CYP20A1: variants seen among roughly 807,000 people sequenced by gnomAD.
CYP20A1 encodes cytochrome P450 family 20 subfamily A member 1.
In CYP20A1, 61 loss-of-function variants were observed where a neutral mutation model predicts 61.4. That is an observed-to-expected ratio of 0.99 (90% confidence interval 0.81 to 1.23). CYP20A1 has a LOEUF of 1.23. Ranked by LOEUF, CYP20A1 falls within the 50% of genes most tolerant of loss-of-function variation. CYP20A1 has a pLI of 0.00. For synonymous variants in CYP20A1, 193 were observed against 188.2 expected, an observed-to-expected ratio of 1.03 and a Z score of -0.21; for missense variants, 530 against 542.4, an observed-to-expected ratio of 0.98 and a Z score of 0.23.
At position 203,304,446 on chromosome 2, in the gene CYP20A1, C is replaced by T. The variant is rs979912785; in HGVS notation, c.*7538C>T. 1.3e-5 allele frequency among the ~76,000 whole-genome samples: 2 copies of T among 152,054 alleles called. No homozygotes were observed. The highest frequency in any genetic ancestry group is 4.8e-5 in the African/African-American group (2 of 41,420). On this transcript the variant is annotated 3_prime_UTR_variant, in exon 13 of 13. Coordinates refer to ENST00000356079, the MANE Select transcript of CYP20A1 (RefSeq NM_177538.3). ...TCTCCTGACCTTGTGATCTGTCCAC[C>T]GCGGCTTCCCAAAGTGCTGGGATTA...
chr2:203,249,568 G>A (rs1575172172), intron 3 of CYP20A1, among the ~76,000 whole-genome samples: 1 of 152,090 alleles, frequency 6.6e-6, no homozygotes, highest in Admixed American at 6.6e-5. Flanking sequence ...AAATAGGCCA[G>A]GCATGGTGGC....
intron 10 of CYP20A1, among the ~76,000 whole-genome samples, chr2:203,291,785 G>A (rs969943469): frequency 2.0e-5 from 3 of 151,750 alleles, no homozygotes; most frequent in Admixed American, 1.3e-4. Flanking sequence ...CCATTAACTC[G>A]ACATTTAACA....
At chr2:203,245,931 A>G (rs1333522360) in intron 2 of CYP20A1, 36 bp downstream of exon 2, 1 of 1,320,986 alleles carries the variant, frequency 7.6e-7, no homozygotes, top group Non-Finnish European at 1.1e-6. Context: ...AGTAGAGTTA[A>G]TTCTTCATTA....
At chr2:203,275,466 G>A (rs962004583) in intron 6 of CYP20A1, among the ~76,000 whole-genome samples, 2 of 150,186 alleles carry the variant, frequency 1.3e-5, no homozygotes, top group East Asian at 3.9e-4. Context: ...ACTGAATCTC[G>A]CTCTATTGCC....
Position 203,278,562 on chromosome 2 carries a change from T to C in CYP20A1, c.680-11T>C, listed in dbSNP as rs375823524. ...CTTGTATTCTAAAATTATTTTGTTT[T>C]TTTCTCTAAGCCCTCATGCAACTGG... is the stretch of plus-strand genomic sequence containing the variant. On this transcript the variant is annotated splice_polypyrimidine_tract_variant and intron_variant, in intron 6 of 12. Coordinates refer to ENST00000356079, the MANE Select transcript of CYP20A1 (RefSeq NM_177538.3). The C allele has an allele frequency of 1.4e-5, 20 of 1,433,740 alleles. No homozygotes were observed. Among genetic ancestry groups the C allele is most frequent in the Admixed American group, 2.2e-5 (1 of 45,754 alleles). 88.8% of individuals were successfully genotyped at this position (1,433,740 alleles called of 1,614,324 possible). A position where few individuals can be genotyped will look rare whatever the true frequency, so the allele number is the denominator to read the frequency against.
chr2:203,275,606 A>G (rs1416762014), intron 6 of CYP20A1, among the ~76,000 whole-genome samples: 1 of 152,038 alleles, frequency 6.6e-6, no homozygotes. Flanking sequence ...TGCTCAAATA[A>G]TTTTTATAGT....
intron 5 of CYP20A1, among the ~76,000 whole-genome samples, chr2:203,267,349 G>A (rs1362554984): frequency 2.7e-5 from 4 of 149,410 alleles, no homozygotes; most frequent in Non-Finnish European, 4.5e-5. Context: ...CCTGGCCAAT[G>A]TGGCAAAACC....
At chr2:203,263,414 C>T (rs1335524774) in intron 4 of CYP20A1, among the ~76,000 whole-genome samples, 1 of 151,698 alleles carries the variant, frequency 6.6e-6, no homozygotes, top group African/African-American at 2.4e-5. Flanking sequence ...CTCAGCCTCC[C>T]GAGTAGCTGG....
chr2:203,288,282 T>C (rs562082848), intron 9 of CYP20A1, among the ~76,000 whole-genome samples: 1 of 151,902 alleles, frequency 6.6e-6, no homozygotes, highest in East Asian at 1.9e-4. Flanking sequence ...GCCAGGCTGG[T>C]CTCGAACTCC....
Position 203,273,401 on chromosome 2 carries a change from T to C in CYP20A1, c.679+653T>C, listed in dbSNP as rs79633317. On this transcript the variant is annotated intron_variant, in intron 6 of 12. Transcript: ENST00000356079. The stretch of plus-strand genomic sequence containing the variant: ...TGAAAGAAGACAATATTCATGAAGA[T>C]ATTTTTGTAGTACTGTTTCTGCAAG... Among the ~76,000 whole-genome samples, 75 of 152,328 alleles carry C rather than the reference T, an allele frequency of 4.9e-4. 1 individual carries two copies. In the East Asian group the frequency reaches 0.014, roughly 28 times the overall value.
Position 203,291,989 on chromosome 2 carries a change from C to T in CYP20A1, c.1084-273C>T, listed in dbSNP as rs550793672. ...TGATGGTTTCCAGCTTCATCCATGTCCCTACAAAGGACATGAACTCTGGAT... is the reference window on the plus strand; with the variant it reads ...TGATGGTTTCCAGCTTCATCCATGTTCCTACAAAGGACATGAACTCTGGAT... On this transcript the variant is annotated intron_variant, in intron 10 of 12. Transcript: ENST00000356079. 5.3e-5 allele frequency among the ~76,000 whole-genome samples: 8 copies of T among 152,110 alleles called. No homozygotes were observed. In the East Asian group the frequency reaches 1.4e-3, roughly 26 times the overall value.
Position 203,248,438 on chromosome 2 carries a change from G to T in CYP20A1, c.289+1517G>T, listed in dbSNP as rs183539006. Among the ~76,000 whole-genome samples the T allele has an allele frequency of 9.2e-4, 140 of 152,112 alleles. No individual in the cohort carries two copies. In the South Asian group the frequency reaches 0.011, roughly 12 times the overall value. ...AATCCCAGCTACTTGGGAGACTGAG[G>T]CAGGATAATCTCTTGAACCCGGGAG... On this transcript the variant is annotated intron_variant, in intron 3 of 12. Transcript: ENST00000356079.
In CYP20A1 at chr2:203,299,298, C is replaced by G. The variant is rs2152117948; in HGVS notation, c.*2390C>G. On this transcript the variant is annotated 3_prime_UTR_variant, in exon 13 of 13. Transcript: ENST00000356079. ...CTGCTGAATTTCATTTGTAATTTTA[C>G]TTTCAAGAATATACTCTGGTAGACT... 6.6e-6 allele frequency among the ~76,000 whole-genome samples: 1 copy of G among 152,134 alleles called. No homozygotes were observed. The highest frequency in any genetic ancestry group is 2.1e-4 in the South Asian group (1 of 4,820).
chr2:203,299,743 G>A lies in CYP20A1; in HGVS notation c.*2835G>A, dbSNP rs185339180. Among the ~76,000 whole-genome samples, 10 of 152,112 alleles carry A rather than the reference G, an allele frequency of 6.6e-5. No homozygotes were observed. The highest frequency in any genetic ancestry group is 5.9e-4 in the Admixed American group (9 of 15,260). ...TACAAAATTAGCCAGGCTTGGTGGT[G>A]CATGCCTGTAATACCAGCTACTCGG... is the stretch of plus-strand genomic sequence containing the variant. On this transcript the variant is annotated 3_prime_UTR_variant, in exon 13 of 13. Coordinates refer to ENST00000356079, the MANE Select transcript of CYP20A1 (RefSeq NM_177538.3).
intron 8 of CYP20A1, among the ~76,000 whole-genome samples, chr2:203,281,727 A>G (rs1428704548): frequency 6.6e-6 from 1 of 151,178 alleles, no homozygotes; most frequent in Admixed American, 6.6e-5. Context: ...CTTGAACCCC[A>G]GAGGCAGAGG....
At chr2:203,267,167 A>AAAT (rs951643535) in intron 5 of CYP20A1, among the ~76,000 whole-genome samples, 4 of 152,104 alleles carry the variant, frequency 2.6e-5, no homozygotes. Context: ...TGTCTCTAAA[A>AAAT]AATAATAATA....
At chr2:203,265,925 G>T (rs1043598879) in intron 4 of CYP20A1, among the ~76,000 whole-genome samples, 23 of 152,188 alleles carry the variant, frequency 1.5e-4, no homozygotes, top group African/African-American at 5.3e-4. Flanking sequence ...CCTGACCTCA[G>T]GTGATCCACC....
chr2:203,301,914 C>CTTTTTTTTTTT lies in CYP20A1; in HGVS notation c.*5018_*5028dup, dbSNP rs763764173. ...TTTGAAGTTAACCACTGTTAAGATT[C>CTTTTTTTTTTT]TTTTTTTTTTTTTTTTTTTTTTGTT... On this transcript the variant is annotated 3_prime_UTR_variant, in exon 13 of 13. Transcript: ENST00000356079. Among the ~76,000 whole-genome samples the CTTTTTTTTTTT allele has an allele frequency of 2.4e-4, 25 of 103,564 alleles. 1 individual carries two copies. Among genetic ancestry groups the CTTTTTTTTTTT allele is most frequent in the African/African-American group, 3.4e-4 (9 of 26,746 alleles). 67.9% of individuals were successfully genotyped at this position (103,564 alleles called of 152,430 possible).
chr2:203,258,002 A>ATGGCT (rs1472321609), intron 4 of CYP20A1, among the ~76,000 whole-genome samples: 1 of 152,196 alleles, frequency 6.6e-6, no homozygotes. Context: ...CCTGGGCTGA[A>ATGGCT]GGGATCCTCC....
Sources: allele counts gnomAD v4.1 joint callset (sites outside exome capture counted in the v4.1 genomes callset), GRCh38; gene constraint gnomAD v4.1.1; transcripts MANE v1.5; gene names NCBI Gene and HGNC (gene_info 2026-07-23, HGNC 2026-07-21).